Variants in CAMK2B observed in about 807,000 individuals in gnomAD.
CAMK2B encodes calcium/calmodulin-dependent protein kinase type II subunit beta.
In CAMK2B, 27 loss-of-function variants were observed where a neutral mutation model predicts 93.7. The ratio of observed to expected loss-of-function variants is 0.29; its 90% CI spans 0.21 to 0.40. The LOEUF is 0.40. Among genes scored for constraint, CAMK2B ranks in the 10% least tolerant of loss-of-function variants. The pLI, the probability that CAMK2B is intolerant of heterozygous loss-of-function variation, is 1.00. For missense variants in CAMK2B, 568 were observed against 895.8 expected (o/e 0.63, Z 4.67); for synonymous variants, 374 against 358.8 (o/e 1.04, Z -0.48).
chr7:44,231,102 T>C, intron 16 of CAMK2B, 48 bp from the exon 17 acceptor site: 3 of 1,419,064 alleles, frequency 2.1e-6, no homozygotes, highest in South Asian at 2.4e-5. Flanking sequence ...CAAGGATAGG[T>C]GGGACGTGGC....
intron 22 of CAMK2B, 131 bp downstream of exon 22, chr7:44,220,485 G>A: frequency 1.1e-6 from 1 of 894,490 alleles, no homozygotes; most frequent in Admixed American, 2.6e-5. Context: ...GCGGGGGAGA[G>A]GTGGCTGGCC....
At chr7:44,238,162 C>A (rs957938040) in intron 13 of CAMK2B, among the ~76,000 whole-genome samples, 16 of 152,216 alleles carry the variant, frequency 1.1e-4, no homozygotes, top group Admixed American at 1.0e-3. Context: ...CTCAGCCCTG[C>A]CTCTGCCTTG....
intron 1 of CAMK2B, among the ~76,000 whole-genome samples, chr7:44,300,352 C>T (rs760532928): frequency 2.6e-5 from 4 of 151,866 alleles, no homozygotes; most frequent in South Asian, 4.2e-4. Flanking sequence ...AGTAGAGACA[C>T]GGTGTTGCTA....
intron 3 of CAMK2B, among the ~76,000 whole-genome samples, chr7:44,259,940 C>G (rs1263343981): frequency 2.6e-5 from 4 of 152,146 alleles, no homozygotes; most frequent in African/African-American, 9.7e-5. Context: ...GAAGCTGAAG[C>G]ACAGGGAGGT....
At chr7:44,233,118 G>C (rs1297047464) in intron 15 of CAMK2B, among the ~76,000 whole-genome samples, 1 of 152,162 alleles carries the variant, frequency 6.6e-6, no homozygotes, top group African/African-American at 2.4e-5. Flanking sequence ...CTGCTGTCCA[G>C]GGTGGGAGAT....
At chr7:44,325,287 G>T in intron 1 of CAMK2B, 70 bp downstream of exon 1, 1 of 901,200 alleles carries the variant, frequency 1.1e-6, no homozygotes, top group Non-Finnish European at 1.4e-6. Context: ...GGAGCCGGCG[G>T]CGCGGAGGGT....
At chr7:44,254,733 A>C in intron 4 of CAMK2B, 126 bp from the exon 5 acceptor site, 1 of 623,182 alleles carries the variant, frequency 1.6e-6, no homozygotes, top group Non-Finnish European at 3.0e-6. Context: ...CACTAATGTC[A>C]CCATCCATCA....
rs183951594 is a variant in CAMK2B, at chr7:44,229,084, G to T, written c.1340-160C>A. 4.0e-6 allele frequency: 3 copies of T among 750,016 alleles called. No individual in the cohort carries two copies. The South Asian group carries it at 4.5e-5, about 11-fold the overall frequency. 46.5% of individuals were successfully genotyped at this position (750,016 alleles called of 1,614,324 possible). A position where few individuals can be genotyped will look rare whatever the true frequency, so the allele number is the denominator to read the frequency against. On this transcript the variant is annotated intron_variant, in intron 18 of 23. Coordinates refer to ENST00000395749, the MANE Select transcript of CAMK2B (RefSeq NM_001220.5). Reference sequence around the variant, plus strand: ...TGCCTCAATAGCAGGGAGCCCCCCCGCCCGCAAGCTGAGGTGGAGTGAGGC... The same window carrying T: ...TGCCTCAATAGCAGGGAGCCCCCCCTCCCGCAAGCTGAGGTGGAGTGAGGC...
chr7:44,229,257 G>T, intron 18 of CAMK2B, 131 bp downstream of exon 18: 1 of 654,952 alleles, frequency 1.5e-6, no homozygotes, highest in Non-Finnish European at 2.6e-6. Context: ...AAGCCCCAGT[G>T]AGGGATTGTG....
At position 44,243,465 on chromosome 7, in the gene CAMK2B, G is replaced by A. The variant is rs1475463207; in HGVS notation, c.477C>T (p.Gly159=). 6.2e-7 allele frequency: 1 copy of A among 1,614,100 alleles called. No homozygotes were observed. The highest frequency in any genetic ancestry group is 1.3e-5 in the African/African-American group (1 of 75,048). ...GGTCCCCCTGCACCTCGATAGCTAG[G>A]CCGAAGTCTGCCAGCTTCACTGCAG... ...KGAAVKLADF[G]LAIEVQGDQQ... The change falls in exon 7 of 24, where the codon GGC becomes GGT. Residue 159 remains glycine (G), a synonymous_variant. Transcript: ENST00000395749.
chr7:44,284,302 C>T, intron 1 of CAMK2B, 77 bp from the exon 2 acceptor site: 4 of 1,019,086 alleles, frequency 3.9e-6, no homozygotes, highest in Non-Finnish European at 6.0e-6. Context: ...ATTAATCTCC[C>T]CATAAACACT....
At chr7:44,282,117 C>T (rs1471045971) in intron 2 of CAMK2B, among the ~76,000 whole-genome samples, 1 of 152,252 alleles carries the variant, frequency 6.6e-6, no homozygotes, top group African/African-American at 2.4e-5. Context: ...TAGACCTCCT[C>T]TCCATGGCAC....
chr7:44,263,605 C>G (rs879367962), intron 2 of CAMK2B, among the ~76,000 whole-genome samples: 1 of 151,964 alleles, frequency 6.6e-6, no homozygotes, highest in Non-Finnish European at 1.5e-5. Context: ...CTCCTCCCAC[C>G]CCACAAGGTG....
chr7:44,260,478 T>C (rs1344970465), intron 3 of CAMK2B, among the ~76,000 whole-genome samples: 3 of 152,172 alleles, frequency 2.0e-5, no homozygotes, highest in African/African-American at 4.8e-5. Flanking sequence ...TCAGAAAATA[T>C]AGGGCAAGCC....
Position 44,219,244 on chromosome 7 carries a change from A to C in CAMK2B, c.*281T>G, listed in dbSNP as rs1319784963. The C allele has an allele frequency of 6.9e-6, 1 of 145,770 alleles. No homozygotes were observed. The highest frequency in any genetic ancestry group is 1.5e-5 in the Non-Finnish European group (1 of 67,074). The allele number at this position is 145,770 out of a possible 1,614,324, so 9.0% of individuals were successfully genotyped here. A position where few individuals can be genotyped will look rare whatever the true frequency, so the allele number is the denominator to read the frequency against. On this transcript the variant is annotated 3_prime_UTR_variant, in exon 24 of 24. Coordinates refer to ENST00000395749, the MANE Select transcript of CAMK2B (RefSeq NM_001220.5). ...GGTGGGGAGTGGCCCCACGAATGCC[A>C]GTGATTTTTACAGCTTTTTCCTTCC...
At chr7:44,296,078 TA>T (rs1248526548) in intron 1 of CAMK2B, among the ~76,000 whole-genome samples, 1 of 152,054 alleles carries the variant, frequency 6.6e-6, no homozygotes, top group African/African-American at 2.4e-5. Flanking sequence ...ACAAGGCATA[TA>T]AAAAGGCAGA....
At chr7:44,276,783 C>T (rs974047158) in intron 2 of CAMK2B, among the ~76,000 whole-genome samples, 2 of 152,198 alleles carry the variant, frequency 1.3e-5, no homozygotes, top group Non-Finnish European at 2.9e-5. Flanking sequence ...GCCGAACCCT[C>T]GGCCTGCCTC....
chr7:44,235,389 G>A (rs913023507), intron 13 of CAMK2B, among the ~76,000 whole-genome samples: 1 of 152,236 alleles, frequency 6.6e-6, no homozygotes, highest in African/African-American at 2.4e-5. Context: ...CAGCAGCGGG[G>A]CCCCTGCCTC....
At chr7:44,244,436 G>A (rs1238731683) in intron 6 of CAMK2B, among the ~76,000 whole-genome samples, 1 of 152,084 alleles carries the variant, frequency 6.6e-6, no homozygotes, top group African/African-American at 2.4e-5. Context: ...ATCTCCCAGC[G>A]GTGGGGTCTC....
Sources: allele counts gnomAD v4.1 joint callset (sites outside exome capture counted in the v4.1 genomes callset), GRCh38; gene constraint gnomAD v4.1.1; transcripts MANE v1.5; gene names NCBI Gene and HGNC (gene_info 2026-07-23, HGNC 2026-07-21).